MICAL3: variants seen among roughly 807,000 people sequenced by gnomAD.
MICAL3 encodes the protein [F-actin]-monooxygenase MICAL3.
Under a neutral mutation model 207.4 loss-of-function variants are expected in MICAL3, and 62 were observed. The observed-to-expected ratio is 0.30, with a 90% CI of 0.24 to 0.37. The LOEUF is 0.37. Ranked by LOEUF, MICAL3 falls within the 10% of genes least tolerant of loss-of-function variation. MICAL3 has a pLI of 1.00. For synonymous variants in MICAL3, 1,077 were observed against 1,069.3 expected (o/e 1.01, Z -0.14); for missense variants, 2,368 against 2,635.6 (o/e 0.90, Z 2.22).
intron 28 of MICAL3, among the ~76,000 whole-genome samples, chr22:17,809,432 A>G (rs424607): frequency 0.51 from 77,847 of 152,124 alleles, 23,308 homozygotes; most frequent in African/African-American, 0.85. Context: ...TCAAGAGATC[A>G]AGACCCTCCT....
chr22:17,862,558 C>A (rs752977298), intron 19 of MICAL3: 5 of 984,680 alleles, frequency 5.1e-6, no homozygotes, highest in Non-Finnish European at 6.0e-6. Flanking sequence ...TCGTGCCTGG[C>A]CACACCTGAG....
chr22:17,825,109 C>A (rs1432701939), intron 22 of MICAL3, among the ~76,000 whole-genome samples: 1 of 152,178 alleles, frequency 6.6e-6, no homozygotes, highest in East Asian at 1.9e-4. Flanking sequence ...CAGCCCAGGG[C>A]ACCCTGGGTT....
intron 16 of MICAL3, chr22:17,879,494 A>G (rs1359042138): frequency 5.9e-6 from 6 of 1,020,014 alleles, no homozygotes; most frequent in Non-Finnish European, 7.4e-6. Flanking sequence ...GCAGAAATGC[A>G]GAGTTCAACA....
intron 20 of MICAL3, among the ~76,000 whole-genome samples, chr22:17,832,368 G>C (rs1922893341): frequency 1.3e-5 from 2 of 152,144 alleles, no homozygotes; most frequent in African/African-American, 2.4e-5. Flanking sequence ...TCAGGTGGAT[G>C]GGGTAGGGAG....
At chr22:17,944,205 G>A (rs1933944967) in intron 1 of MICAL3, among the ~76,000 whole-genome samples, 2 of 152,194 alleles carry the variant, frequency 1.3e-5, no homozygotes, top group Non-Finnish European at 2.9e-5. Context: ...CCTCTATCCA[G>A]AAACTAACTA....
chr22:17,839,927 C>CTTTTTTTTTTTTT (rs67852343), intron 20 of MICAL3: 3 of 95,848 alleles, frequency 3.1e-5, no homozygotes, highest in African/African-American at 9.5e-5. Context: ...TTTTAATTAT[C>CTTTTTTTTTTTTT]TTTTTTTTTT....
chr22:17,983,518 C>T (rs1275243222), intron 1 of MICAL3: 1 of 152,286 alleles, frequency 6.6e-6, no homozygotes, highest in Non-Finnish European at 1.5e-5. Context: ...AGGATGGAGA[C>T]CGGCAGTGTC....
chr22:17,969,136 G>A lies in MICAL3; in HGVS notation c.-75+55145C>T, dbSNP rs143956415. ...CAGCTCACTGCAACCTCCACCTCCC[G>A]GGTTCAAGCAATTCTGCCTCAGCCT... On this transcript the variant is annotated intron_variant, in intron 1 of 31. Transcript: ENST00000441493. 2.9e-4 allele frequency among the ~76,000 whole-genome samples: 44 copies of A among 151,992 alleles called. 2 individuals carry two copies. The East Asian group carries it at 6.4e-3, about 22-fold the overall frequency.
intron 27 of MICAL3, among the ~76,000 whole-genome samples, chr22:17,811,674 G>C (rs563761317): frequency 1.8e-4 from 28 of 152,300 alleles, no homozygotes; most frequent in Middle Eastern, 3.4e-3. Flanking sequence ...CAACAAGAGG[G>C]GCAAAGATTG....
At chr22:17,806,785 AGACG>A (rs1324221577) in intron 29 of MICAL3, among the ~76,000 whole-genome samples, 1 of 152,204 alleles carries the variant, frequency 6.6e-6, no homozygotes, top group Non-Finnish European at 1.5e-5. Flanking sequence ...CCACTGACTT[AGACG>A]GCATTTGGGT....
At chr22:17,913,191 G>T (rs1193286405) in intron 1 of MICAL3, among the ~76,000 whole-genome samples, 4 of 152,074 alleles carry the variant, frequency 2.6e-5, no homozygotes. Flanking sequence ...TCACCCGGCT[G>T]CACTCCTCAT....
At position 17,866,855 on chromosome 22, in the gene MICAL3, C is replaced by T. The variant is rs73876518; in HGVS notation, c.2429-843G>A. ...TGACTCTGGTAATGGAATTAACCCA[C>T]GCAGTCATTTTTTTCTGACTCTTTT... On this transcript the variant is annotated intron_variant, in intron 17 of 31. Transcript: ENST00000441493. Among the ~76,000 whole-genome samples, 1,367 of 152,334 alleles carry T rather than the reference C, an allele frequency of 9.0e-3. 16 individuals carry two copies. The highest frequency in any genetic ancestry group is 0.031 in the African/African-American group (1,298 of 41,556).
chr22:17,846,701 T>A (rs528252013), intron 19 of MICAL3, among the ~76,000 whole-genome samples: 2 of 152,290 alleles, frequency 1.3e-5, no homozygotes, highest in East Asian at 3.9e-4. Flanking sequence ...CGCCCTCTAC[T>A]CCACATGCCT....
intron 3 of MICAL3, among the ~76,000 whole-genome samples, chr22:17,904,297 A>C (rs943233427): frequency 1.3e-5 from 2 of 152,252 alleles, no homozygotes; most frequent in African/African-American, 4.8e-5. Flanking sequence ...GTCTGGGCCC[A>C]AACTGGTCAT....
In MICAL3 at chr22:17,866,123, C is replaced by G. The variant is rs1398587595; in HGVS notation, c.2429-111G>C. On this transcript the variant is annotated intron_variant, in intron 17 of 31. Coordinates refer to ENST00000441493, the MANE Select transcript of MICAL3 (RefSeq NM_015241.3). ...ATCTCCTCCAGCCTCACAAGGCCAT[C>G]AAGCCACCCAGCCTTCCCTGGGCCC... The G allele has an allele frequency of 1.0e-5, 8 of 795,254 alleles. No individual in the cohort carries two copies. In the East Asian group the frequency reaches 2.1e-4, roughly 21 times the overall value. The allele number at this position is 795,254 out of a possible 1,614,324, so 49.3% of individuals were successfully genotyped here. A position where few individuals can be genotyped will look rare whatever the true frequency, so the allele number is the denominator to read the frequency against.
chr22:17,894,780 G>C (rs192610546), intron 10 of MICAL3, among the ~76,000 whole-genome samples: 193 of 142,544 alleles, frequency 1.4e-3, no homozygotes, highest in African/African-American at 5.0e-3. Context: ...CTGGGTGACA[G>C]AGCGAGATTC....
chr22:17,805,485 C>T (rs1383573005), intron 29 of MICAL3, among the ~76,000 whole-genome samples: 2 of 152,334 alleles, frequency 1.3e-5, no homozygotes, highest in Middle Eastern at 3.4e-3. Context: ...AAATGCATCA[C>T]AACGAAATAT....
chr22:17,975,040 T>C, intron 1 of MICAL3, among the ~76,000 whole-genome samples: 1 of 152,180 alleles, frequency 6.6e-6, no homozygotes, highest in East Asian at 1.9e-4. Flanking sequence ...CATGGAAACA[T>C]TCCCAGGAAT....
intron 7 of MICAL3, among the ~76,000 whole-genome samples, chr22:17,897,422 CA>C (rs71754131): frequency 0.05 from 2,070 of 41,764 alleles, 8 homozygotes; most frequent in African/African-American, 0.084. Context: ...GACTCCAACT[CA>C]AAAAAAAAAA....
Sources: allele counts gnomAD v4.1 joint callset (sites outside exome capture counted in the v4.1 genomes callset), GRCh38; gene constraint gnomAD v4.1.1; transcripts MANE v1.5; gene names NCBI Gene and HGNC (gene_info 2026-07-23, HGNC 2026-07-21).